Variants in NOC3L observed in about 807,000 individuals in gnomAD.
The protein encoded by NOC3L is nucleolar complex protein 3 homolog.
A neutral mutation model predicts 102.5 loss-of-function variants in NOC3L; 85 were observed. The ratio of observed to expected loss-of-function variants is 0.83; its 90% confidence interval spans 0.70 to 0.99. The LOEUF (loss-of-function observed/expected upper bound fraction) is 0.99. NOC3L is among the 50% of genes least tolerant of loss of function. NOC3L has a pLI of 0.00. For synonymous variants in NOC3L, 303 were observed against 309.4 expected (o/e 0.98, Z 0.22); for missense variants, 878 against 914.9 (o/e 0.96, Z 0.52).
chr10:94,333,345 T>C lies in NOC3L; in HGVS notation c.*832A>G, dbSNP rs1051268799. 4 of 152,190 alleles carry C rather than the reference T, an allele frequency of 2.6e-5. No homozygotes were observed. Among genetic ancestry groups the C allele is most frequent in the African/African-American group, 7.2e-5 (3 of 41,454 alleles). The allele number at this position is 152,190 out of a possible 1,614,324, so 9.4% of individuals were successfully genotyped here. On this transcript the variant is annotated 3_prime_UTR_variant, in exon 21 of 21. Transcript: ENST00000371361. ...CTAGAATATGGGAATAGCTGTTACA[T>C]AAAATACTGTTTTATAATTATATTA...
At chr10:94,334,446 T>A in intron 20 of NOC3L, 141 bp from the exon 21 acceptor site, 3 of 660,286 alleles carry the variant, frequency 4.5e-6, no homozygotes, top group Non-Finnish European at 7.8e-6. Context: ...CTTGGACATA[T>A]CCTATATTGA....
In NOC3L at chr10:94,356,684, G is replaced by T; in HGVS notation, c.509-93C>A. 4.3e-5 allele frequency: 33 copies of T among 770,372 alleles called. 1 individual carries two copies. In the South Asian group the frequency reaches 5.1e-4, roughly 12 times the overall value. The allele number at this position is 770,372 out of a possible 1,614,324, so 47.7% of individuals were successfully genotyped here. ...TAGGAGGTGATTACGATAAAACTCA[G>T]GATAGCAGTTACTTTTATGGGAAGA... is the stretch of plus-strand genomic sequence containing the variant. On this transcript the variant is annotated intron_variant, in intron 4 of 20. Transcript: ENST00000371361.
Position 94,346,515 on chromosome 10 carries a change from T to C in NOC3L, c.1299A>G (p.Glu433=). ...TAATGTCTTCTGTATCTTTTTTCAC[T>C]TCTACTTCCTTGATTCTTAGGCATA... ...TFLCLRIKEV[E]VKKDTEDINK... Residue 433 remains glutamate (E), a synonymous_variant, in exon 11 of 21, where the codon GAA becomes GAG. Transcript: ENST00000371361. 6.9e-7 allele frequency: 1 copy of C among 1,451,824 alleles called. No homozygotes were observed. The highest frequency in any genetic ancestry group is 1.3e-5 in the South Asian group (1 of 74,336). 89.9% of individuals were successfully genotyped at this position (1,451,824 alleles called of 1,614,324 possible).
At chr10:94,324,462 A>G in the NOC3L span, 1 of 1,614,008 alleles carries the variant, frequency 6.2e-7, no homozygotes. Context: ...CTACCACACC[A>G]AAGTCCTCTC....
chr10:94,340,817 TA>T (rs2054274692), intron 14 of NOC3L, among the ~76,000 whole-genome samples: 1 of 151,602 alleles, frequency 6.6e-6, no homozygotes, highest in Non-Finnish European at 1.5e-5. Flanking sequence ...CTGTCTCTAC[TA>T]AAAATACAAA....
chr10:94,337,477 T>C (rs2054233571), intron 19 of NOC3L, among the ~76,000 whole-genome samples: 2 of 152,146 alleles, frequency 1.3e-5, no homozygotes, highest in South Asian at 2.1e-4. Flanking sequence ...ACCTGAGTGA[T>C]GGGGGGCATA....
chr10:94,329,611 C>G (rs71480902), downstream of NOC3L: 1 of 151,972 alleles, frequency 6.6e-6, no homozygotes, highest in Non-Finnish European at 1.5e-5. Context: ...AACCCAATCT[C>G]TACTAAAAGT....
Position 94,353,038 on chromosome 10 carries a change from A to T in NOC3L, c.716T>A (p.Leu239Ter). The change falls in exon 7 of 21, where the codon TTA (leucine) becomes TAA (stop). Residue 239 changes from leucine to a stop codon, truncating the protein, a stop_gained. Transcript: ENST00000371361. LOFTEE classifies it high-confidence loss of function. ...ATCTTGTTCCATCAACATAGAACGT[A>T]ATTCTTTCAATTTTTTAATCTGTTA... Reference protein sequence around the residue: ...PENNIKKLKELRSMLMEQDPD... With the variant: ...PENNIKKLKE 6.2e-7 allele frequency: 1 copy of T among 1,604,464 alleles called. No homozygotes were observed. Among genetic ancestry groups the T allele is most frequent in the South Asian group, 1.1e-5 (1 of 88,360 alleles).
At chr10:94,342,909 A>C (rs1161246638) in intron 13 of NOC3L, among the ~76,000 whole-genome samples, 3 of 151,910 alleles carry the variant, frequency 2.0e-5, no homozygotes, top group Non-Finnish European at 4.4e-5. Flanking sequence ...ACATGAGGAA[A>C]CCCCATCTTT....
chr10:94,361,939 T>C (rs2054556409), intron 1 of NOC3L, 67 bp from the exon 2 acceptor site: 1 of 1,188,144 alleles, frequency 8.4e-7, no homozygotes, highest in African/African-American at 1.5e-5. Context: ...TAAAGAGAAC[T>C]GATTACAAAT....
chr10:94,328,661 T>A (rs2054116641), downstream of NOC3L: 1 of 152,382 alleles, frequency 6.6e-6, no homozygotes, highest in East Asian at 1.9e-4. Context: ...CTTTGGGGCA[T>A]TTCAAGTGTA....
At chr10:94,362,691 G>T in intron 1 of NOC3L, 139 bp downstream of exon 1, 1 of 861,624 alleles carries the variant, frequency 1.2e-6, no homozygotes, top group Admixed American at 1.9e-5. Flanking sequence ...TGAGCTCGGT[G>T]TAAGGAATGG....
the NOC3L span, among the ~76,000 whole-genome samples, chr10:94,326,708 G>A: frequency 1.3e-5 from 2 of 152,222 alleles, no homozygotes; most frequent in Non-Finnish European, 2.9e-5. Flanking sequence ...GGGGGAGGGT[G>A]ATTGATAGTG....
chr10:94,337,951 CT>C, intron 18 of NOC3L, 77 bp from the exon 19 acceptor site: 1 of 1,123,562 alleles, frequency 8.9e-7, no homozygotes, highest in South Asian at 1.3e-5. Flanking sequence ...CAAAGATTTT[CT>C]TAAATAAAAT....
intron 19 of NOC3L, among the ~76,000 whole-genome samples, chr10:94,337,490 G>A (rs1214361222): frequency 6.6e-6 from 1 of 152,062 alleles, no homozygotes; most frequent in African/African-American, 2.4e-5. Context: ...GGGGCATATG[G>A]ACATTCACTA....
chr10:94,328,186 T>G, the NOC3L span: 1 of 300,802 alleles, frequency 3.3e-6, no homozygotes, highest in South Asian at 3.3e-5. Context: ...ATGTCAGCAG[T>G]TGGAAAAATC....
intron 3 of NOC3L, chr10:94,357,731 C>G (rs41291140): frequency 6.1e-4 from 156 of 254,096 alleles, no homozygotes; most frequent in Non-Finnish European, 1.0e-3. Context: ...AGGGAACCAT[C>G]AGTTTCCTCT....
At chr10:94,316,505 GT>G in the NOC3L span, 1 of 1,306,244 alleles carries the variant, frequency 7.7e-7, no homozygotes, top group Non-Finnish European at 1.1e-6. Flanking sequence ...TTTGTTTTAA[GT>G]TTTTGCCTCA....
chr10:94,332,895 TTTGTTTTA>T (rs1183227429), downstream of NOC3L: 2 of 152,244 alleles, frequency 1.3e-5, no homozygotes, highest in African/African-American at 4.8e-5. Flanking sequence ...ATTCCTGGAC[TTTGTTTTA>T]TACCTAAAAG....
Sources: allele counts gnomAD v4.1 joint callset (sites outside exome capture counted in the v4.1 genomes callset), GRCh38; gene constraint gnomAD v4.1.1; transcripts MANE v1.5; gene names NCBI Gene and HGNC (gene_info 2026-07-23, HGNC 2026-07-21).